The following DOCK8 variants were observed in gnomAD, a reference collection of about 807,000 sequenced individuals.
The protein encoded by DOCK8 is dedicator of cytokinesis protein 8.
DOCK8 carries 141 observed loss-of-function variants against 245.6 expected under a neutral mutation model. The observed-to-expected ratio is 0.57, with a 90% CI of 0.50 to 0.66. The LOEUF is 0.66. DOCK8 is among the 30% of genes least tolerant of loss of function. DOCK8 has a pLI of 0.00. For missense variants in DOCK8, 2,965 were observed against 2,603.4 expected (o/e 1.14, Z -3.02); for synonymous variants, 1,168 against 970.2 (o/e 1.20, Z -3.79).
intron 24 of DOCK8, among the ~76,000 whole-genome samples, chr9:391,912 G>A (rs1433107667): frequency 6.6e-6 from 1 of 150,568 alleles, no homozygotes; most frequent in Non-Finnish European, 1.5e-5. Context: ...GCTGAGGCAG[G>A]CAGGTCACTT....
intron 5 of DOCK8, among the ~76,000 whole-genome samples, chr9:309,718 C>T (rs112833185): frequency 0.029 from 4,356 of 152,202 alleles, 107 homozygotes; most frequent in South Asian, 0.058. Flanking sequence ...ACCAAATTCC[C>T]GTAGAAAAGT....
Position 404,949 on chromosome 9 carries a change from T to A in DOCK8, c.3266T>A (p.Leu1089His). The A allele has an allele frequency of 6.2e-7, 1 of 1,614,102 alleles. No homozygotes were observed. The highest frequency in any genetic ancestry group is 8.5e-7 in the Non-Finnish European group (1 of 1,180,028). ...LSAKLSNLPT[L>H]ISMRLEFLRI... ...GCCAAGCTCAGTAACCTTCCAACGC[T>A]CATTTCCATGAGGCTAGAGTTCCTG... The change falls in exon 27 of 48, where the codon CTC (leucine) becomes CAC (histidine). Residue 1089 changes from leucine to histidine, a missense_variant. Physicochemically the swap from Leu to His is moderately conservative, Grantham distance 99. Around this residue, in one of 3 missense-constraint regions of DOCK8, gnomAD observed 2,825 missense variants for 2,453.5 expected, o/e 1.15. Coordinates refer to ENST00000432829, the MANE Select transcript of DOCK8 (RefSeq NM_203447.4).
rs181764542 is a variant in DOCK8 at position 215,466 on chromosome 9, C to G, written c.53+437C>G. On this transcript the variant is annotated intron_variant, in intron 1 of 47. Transcript: ENST00000432829. The stretch of plus-strand genomic sequence containing the variant: ...AGTGAAGTGGCTGAAATTAGAGTTG[C>G]GTTTGAGGCAGGCTGCAAGCCTTCT... The G allele has an allele frequency of 9.0e-4, 1,328 of 1,481,158 alleles. 1 individual carries two copies. Among genetic ancestry groups the G allele is most frequent in the Non-Finnish European group, 1.2e-3 (1,294 of 1,118,190 alleles). 91.8% of individuals were successfully genotyped at this position (1,481,158 alleles called of 1,614,324 possible).
chr9:446,351 C>T lies in DOCK8; in HGVS notation c.5581-19C>T, dbSNP rs768931449. ...TGCAGAATAGCTCATCTTCTCCCTC[C>T]GTGCCTTTTCCCCCTTAGGCCTACA... is the stretch of plus-strand genomic sequence containing the variant. On this transcript the variant is annotated intron_variant, in intron 43 of 47. Coordinates refer to ENST00000432829, the MANE Select transcript of DOCK8 (RefSeq NM_203447.4). The T allele has an allele frequency of 5.6e-6, 9 of 1,603,360 alleles. No homozygotes were observed. The highest frequency in any genetic ancestry group is 7.7e-6 in the Non-Finnish European group (9 of 1,170,348).
In DOCK8 at chr9:385,901, C is replaced by T. The variant is rs1031023843; in HGVS notation, c.2779-430C>T. On this transcript the variant is annotated intron_variant, in intron 22 of 47. Transcript: ENST00000432829. ...ATTTTGTTGCATGGGGAGAAAATGT[C>T]TGATAGAGCATGAGCACTCCACTTC... 2.6e-5 allele frequency among the ~76,000 whole-genome samples: 4 copies of T among 152,050 alleles called. No individual in the cohort carries two copies. In the East Asian group the frequency reaches 7.7e-4, roughly 29 times the overall value.
At chr9:217,947 A>T (rs1317788381) in intron 1 of DOCK8, among the ~76,000 whole-genome samples, 1 of 152,196 alleles carries the variant, frequency 6.6e-6, no homozygotes, top group African/African-American at 2.4e-5. Context: ...TTTGATGCAT[A>T]TGTATCCCAA....
intron 33 of DOCK8, among the ~76,000 whole-genome samples, chr9:424,828 G>C (rs903785132): frequency 1.3e-5 from 2 of 152,174 alleles, no homozygotes; most frequent in Admixed American, 6.5e-5. Context: ...TTTTATGTTA[G>C]GTGTACTTTA....
chr9:363,420 C>T (rs10972443), intron 14 of DOCK8, among the ~76,000 whole-genome samples: 24,180 of 152,200 alleles, frequency 0.16, 2,341 homozygotes, highest in Middle Eastern at 0.26. Flanking sequence ...TTTATCCGTT[C>T]GTTAATCATT....
intron 1 of DOCK8, among the ~76,000 whole-genome samples, chr9:236,358 G>A (rs1415089940): frequency 2.0e-5 from 3 of 152,196 alleles, no homozygotes; most frequent in Non-Finnish European, 2.9e-5. Context: ...TCAGAGCTGC[G>A]TTAGCTTTGT....
At chr9:225,359 A>C (rs2046968737) in intron 1 of DOCK8, among the ~76,000 whole-genome samples, 1 of 152,178 alleles carries the variant, frequency 6.6e-6, no homozygotes, top group Admixed American at 6.5e-5. Context: ...CAGATGAAAC[A>C]AACCTGGTGG....
In DOCK8 at chr9:401,305, A is replaced by G. The variant is rs371860150; in HGVS notation, c.3234+2046A>G. Among the ~76,000 whole-genome samples the G allele has an allele frequency of 7.2e-5, 11 of 152,342 alleles. No homozygotes were observed. The South Asian group carries it at 1.9e-3, about 26-fold the overall frequency. ...TTGAGCAGCACTTGGACAGGGTTAC[A>G]TAAGAGCGGAAGCCCCTCCCAGCAT... On this transcript the variant is annotated intron_variant, in intron 26 of 47. Coordinates refer to ENST00000432829, the MANE Select transcript of DOCK8 (RefSeq NM_203447.4).
intron 1 of DOCK8, among the ~76,000 whole-genome samples, chr9:234,896 T>C (rs2047209633): frequency 6.6e-6 from 1 of 152,200 alleles, no homozygotes; most frequent in African/African-American, 2.4e-5. Flanking sequence ...TTCTCTCAAC[T>C]CATCAAAGTC....
At chr9:420,204 C>T in intron 30 of DOCK8, 197 bp from the exon 31 acceptor site, 1 of 659,282 alleles carries the variant, frequency 1.5e-6, no homozygotes, top group Non-Finnish European at 2.7e-6. Flanking sequence ...CTGAGTAGCG[C>T]TACTCAAAGA....
At chr9:243,980 C>T (rs1032179720) in intron 1 of DOCK8, among the ~76,000 whole-genome samples, 1 of 151,838 alleles carries the variant, frequency 6.6e-6, no homozygotes, top group Non-Finnish European at 1.5e-5. Context: ...GTCAGGAGAT[C>T]GAGACCATCC....
At chr9:390,332 T>G (rs998308665) in intron 23 of DOCK8, 139 bp from the exon 24 acceptor site, 11 of 791,058 alleles carry the variant, frequency 1.4e-5, no homozygotes, top group Admixed American at 2.1e-5. Context: ...ATCCACCACT[T>G]ACTGCCTAGA....
At chr9:349,056 C>T (rs536805159) in intron 14 of DOCK8, among the ~76,000 whole-genome samples, 18 of 152,296 alleles carry the variant, frequency 1.2e-4, no homozygotes, top group Non-Finnish European at 2.2e-4. Flanking sequence ...ACTTCCAGAT[C>T]GTCTTTTACT....
intron 47 of DOCK8, 144 bp downstream of exon 47, chr9:463,831 C>T: frequency 1.0e-6 from 1 of 985,740 alleles, no homozygotes; most frequent in East Asian, 2.6e-5. Flanking sequence ...GAGAGGCTAC[C>T]AGAGTGTGAT....
At chr9:314,617 T>G (rs1171606959) in intron 6 of DOCK8, among the ~76,000 whole-genome samples, 2 of 152,222 alleles carry the variant, frequency 1.3e-5, no homozygotes, top group Non-Finnish European at 2.9e-5. Context: ...CAGTTATTTG[T>G]AAACTGGCGT....
intron 44 of DOCK8, among the ~76,000 whole-genome samples, chr9:448,740 C>G (rs189467559): frequency 6.6e-6 from 1 of 152,348 alleles, no homozygotes; most frequent in Admixed American, 6.5e-5. Context: ...CTAGGGCTTA[C>G]CCTGCTGGCC....
Sources: allele counts gnomAD v4.1 joint callset (sites outside exome capture counted in the v4.1 genomes callset), GRCh38; gene constraint gnomAD v4.1.1; regional missense constraint gnomAD v4.1.1; transcripts MANE v1.5; gene names NCBI Gene and HGNC (gene_info 2026-07-23, HGNC 2026-07-21).